PRKX: variants seen among roughly 807,000 people sequenced by gnomAD.
PRKX encodes the protein cAMP-dependent protein kinase catalytic subunit PRKX.
Under a neutral mutation model 22.0 loss-of-function variants are expected in PRKX, and 12 were observed. That is an observed-to-expected ratio of 0.54 (90% CI 0.35 to 0.88). The LOEUF (loss-of-function observed/expected upper bound fraction) is 0.88. Among genes scored for constraint, PRKX ranks in the 40% least tolerant of loss-of-function variants. The pLI is 0.01. For synonymous variants in PRKX, 134 were observed against 137.7 expected, an observed-to-expected ratio of 0.97 and a Z score of 0.19; for missense variants, 217 against 308.0, an observed-to-expected ratio of 0.70 and a Z score of 2.21.
intron 1 of PRKX, among the ~76,000 whole-genome samples, chrX:3,701,818 T>C (rs1376898106): frequency 1.8e-5 from 2 of 111,791 alleles, no homozygotes; most frequent in East Asian, 5.7e-4. Flanking sequence ...TTGTCCTCAC[T>C]GCTACACTCC....
chrX:3,662,070 G>C (rs1419688540), intron 2 of PRKX, among the ~76,000 whole-genome samples: 1 of 111,526 alleles, frequency 9.0e-6, no homozygotes, highest in African/African-American at 3.3e-5. Context: ...TAATGTTCTC[G>C]GTACATAGTA....
chrX:3,686,402 G>T (rs1428792369), intron 1 of PRKX, among the ~76,000 whole-genome samples: 1 of 99,628 alleles, frequency 1.0e-5, no homozygotes, highest in Non-Finnish European at 2.0e-5. Flanking sequence ...GAAAGCTGAT[G>T]ATTTTTTTTT....
At chrX:3,692,551 G>A (rs753345187) in intron 1 of PRKX, among the ~76,000 whole-genome samples, 10 of 98,214 alleles carry the variant, frequency 1.0e-4, no homozygotes, top group South Asian at 5.0e-4. Context: ...TTTTTGAGAC[G>A]GAGTCTCGCT....
At chrX:3,635,999 T>C (rs1926879590) in intron 4 of PRKX, among the ~76,000 whole-genome samples, 1 of 112,150 alleles carries the variant, frequency 8.9e-6, no homozygotes, top group Admixed American at 9.5e-5. Flanking sequence ...CCTTGGAAAG[T>C]GCATGAGTGA....
At chrX:3,624,500 G>C (rs1488432188) in intron 5 of PRKX, among the ~76,000 whole-genome samples, 2 of 110,985 alleles carry the variant, frequency 1.8e-5, no homozygotes, top group Non-Finnish European at 3.8e-5. Context: ...AGTGGCAAGA[G>C]ACCAGACTTT....
At chrX:3,653,888 ATT>A (rs1159132537) in intron 3 of PRKX, among the ~76,000 whole-genome samples, 2 of 78,179 alleles carry the variant, frequency 2.6e-5, no homozygotes, top group Non-Finnish European at 4.4e-5. Context: ...TGATATATAT[ATT>A]ATATATATTA....
intron 3 of PRKX, among the ~76,000 whole-genome samples, chrX:3,648,945 A>C (rs1220561080): frequency 4.5e-5 from 5 of 110,661 alleles, no homozygotes; most frequent in Non-Finnish European, 9.4e-5. Context: ...AACAAACAAA[A>C]AGCTGTCGCA....
chrX:3,619,172 G>A (rs961392385), intron 6 of PRKX, among the ~76,000 whole-genome samples: 1 of 112,293 alleles, frequency 8.9e-6, no homozygotes, highest in Non-Finnish European at 1.9e-5. Flanking sequence ...GGAGAAGGGT[G>A]GGCCCTAAAT....
chrX:3,690,570 A>G (rs1928302343), intron 1 of PRKX, among the ~76,000 whole-genome samples: 1 of 111,417 alleles, frequency 9.0e-6, no homozygotes, highest in Non-Finnish European at 1.9e-5. Flanking sequence ...CATCTCTACT[A>G]AAAACACAAA....
intron 1 of PRKX, among the ~76,000 whole-genome samples, chrX:3,697,119 C>T (rs766156390): frequency 1.0e-3 from 112 of 111,824 alleles, no homozygotes; most frequent in African/African-American, 3.6e-3. Context: ...TTTGGGAGGC[C>T]GAGGCAGGAG....
At chrX:3,691,436 G>A (rs868017788) in intron 1 of PRKX, among the ~76,000 whole-genome samples, 1 of 21,469 alleles carries the variant, frequency 4.7e-5, no homozygotes, top group Non-Finnish European at 1.2e-4. Flanking sequence ...CCGCCCCGGG[G>A]GAGTGGGCTA....
intron 1 of PRKX, among the ~76,000 whole-genome samples, chrX:3,681,148 G>C (rs1928063393): frequency 8.9e-6 from 1 of 111,758 alleles, no homozygotes; most frequent in African/African-American, 3.2e-5. Context: ...CTGGAAGGCT[G>C]AGGTCAGAGG....
chrX:3,618,461 A>AT (rs1926484610), intron 6 of PRKX, among the ~76,000 whole-genome samples: 1 of 5,040 alleles, frequency 2.0e-4, no homozygotes, highest in Non-Finnish European at 3.3e-4. Flanking sequence ...CTTAAAAACA[A>AT]TTTTTTTCTT....
chrX:3,689,715 C>T (rs780406146), intron 1 of PRKX, among the ~76,000 whole-genome samples: 52 of 111,863 alleles, frequency 4.6e-4, no homozygotes, highest in Non-Finnish European at 6.2e-4. Flanking sequence ...CGGTGGCTCA[C>T]ACCTGTAATC....
At chrX:3,707,217 C>T (rs1433964078) in intron 1 of PRKX, among the ~76,000 whole-genome samples, 1 of 111,856 alleles carries the variant, frequency 8.9e-6, no homozygotes, top group African/African-American at 3.3e-5. Context: ...TGTACCCGTC[C>T]AGTACTTGGC....
chrX:3,692,527 C>CTTTTTT (rs34719641), intron 1 of PRKX, among the ~76,000 whole-genome samples: 1 of 94,109 alleles, frequency 1.1e-5, no homozygotes, highest in Non-Finnish European at 2.1e-5. Context: ...AGCAACTGAA[C>CTTTTTT]TTTTTTTTTT....
chrX:3,652,953 G>C (rs754640632), intron 3 of PRKX, among the ~76,000 whole-genome samples: 140 of 111,099 alleles, frequency 1.3e-3, no homozygotes, highest in African/African-American at 4.5e-3. Flanking sequence ...GCCCACACCT[G>C]GATCTCAGAC....
At chrX:3,671,862 C>T (rs1469820939) in intron 2 of PRKX, among the ~76,000 whole-genome samples, 1 of 110,833 alleles carries the variant, frequency 9.0e-6, no homozygotes, top group Non-Finnish European at 1.9e-5. Context: ...GTGGTGCACA[C>T]CTGTAATCCC....
At chrX:3,621,949 G>T (rs1926566108) in intron 5 of PRKX, among the ~76,000 whole-genome samples, 1 of 110,198 alleles carries the variant, frequency 9.1e-6, no homozygotes, top group South Asian at 4.0e-4. Context: ...GACCAGCCTG[G>T]CCAACATGGT....
Sources: gnomAD v4.1 joint callset for allele counts (sites outside exome capture counted in the v4.1 genomes callset) on GRCh38, gnomAD v4.1.1 for gene constraint, MANE v1.5 for transcripts, NCBI Gene and HGNC (gene_info 2026-07-23, HGNC 2026-07-21) for gene names.